Variants in KIF13A observed in about 807,000 individuals in gnomAD.
The protein encoded by KIF13A is kinesin family member 13A.
In KIF13A, 79 loss-of-function variants were observed where a neutral mutation model predicts 212.2. The observed-to-expected ratio is 0.37, with a 90% CI of 0.31 to 0.45. KIF13A has a LOEUF of 0.45. Among genes scored for constraint, KIF13A ranks in the 20% least tolerant of loss-of-function variants. The pLI, the probability that KIF13A is intolerant of heterozygous loss-of-function variation, is 1.00. For synonymous variants in KIF13A, 789 were observed against 808.6 expected (o/e 0.98, Z 0.41); for missense variants, 1,901 against 2,209.0 (o/e 0.86, Z 2.79).
rs1779402987 is a variant in KIF13A at position 17,967,198 on chromosome 6, CT to C, written c.146+19855del. 6.6e-6 allele frequency among the ~76,000 whole-genome samples: 1 copy of C among 152,134 alleles called. No homozygotes were observed. The highest frequency in any genetic ancestry group is 2.1e-4 in the South Asian group (1 of 4,830). On this transcript the variant is annotated intron_variant, in intron 2 of 38. Transcript: ENST00000259711. The surrounding 1 kb of genome is among the most constrained non-coding windows in gnomAD (Gnocchi z 4.1). ...TCTTGGACTAAACATTCAGCTGAAC[CT>C]AGTGCTGTAAATTTTTAGATAGTGC...
intron 3 of KIF13A, among the ~76,000 whole-genome samples, chr6:17,885,411 T>A (rs545186846): frequency 6.6e-6 from 1 of 152,356 alleles, no homozygotes; most frequent in South Asian, 2.1e-4. Context: ...CCTTTACATA[T>A]GCCTATAGAT....
intron 2 of KIF13A, among the ~76,000 whole-genome samples, chr6:17,923,535 GTT>G (rs777195596): frequency 2.1e-5 from 3 of 142,898 alleles, no homozygotes; most frequent in African/African-American, 5.1e-5. Context: ...CCTGGGTTTG[GTT>G]TTTTTTTTTT....
intron 2 of KIF13A, among the ~76,000 whole-genome samples, chr6:17,927,717 T>G (rs1171842195): frequency 6.6e-6 from 1 of 152,242 alleles, no homozygotes; most frequent in Non-Finnish European, 1.5e-5. Flanking sequence ...TACAATTAAT[T>G]TCCCACCTCC....
At chr6:17,836,821 A>G in intron 11 of KIF13A, 57 bp downstream of exon 11, 2 of 1,491,880 alleles carry the variant, frequency 1.3e-6, no homozygotes, top group South Asian at 1.1e-5. Flanking sequence ...CACCCTTGCC[A>G]GTCAAATCCC....
chr6:17,834,282 T>C lies in KIF13A; in HGVS notation c.1156-211A>G, dbSNP rs1052883822. Among the ~76,000 whole-genome samples, 1 of 152,228 alleles carries C rather than the reference T, an allele frequency of 6.6e-6. No homozygotes were observed. The highest frequency in any genetic ancestry group is 1.5e-5 in the Non-Finnish European group (1 of 68,026). On this transcript the variant is annotated intron_variant, in intron 11 of 38. Coordinates refer to ENST00000259711, the MANE Select transcript of KIF13A (RefSeq NM_022113.6). This position sits in a 1 kb window ranked among gnomAD's most constrained non-coding sequence, Gnocchi z 4.0. Reference sequence around the variant, plus strand: ...GAAAAAGAAATACCAGTGTCCTGAATGAAAATGAAACAAATCATTAGTCAT... The same window carrying C: ...GAAAAAGAAATACCAGTGTCCTGAACGAAAATGAAACAAATCATTAGTCAT...
chr6:17,977,010 G>A (rs952430468), intron 2 of KIF13A, among the ~76,000 whole-genome samples: 68 of 151,554 alleles, frequency 4.5e-4, no homozygotes, highest in Non-Finnish European at 1.9e-4. Flanking sequence ...GCTGAGGCAG[G>A]AGAATGGCGT....
chr6:17,959,970 C>T (rs1264704164), intron 2 of KIF13A, among the ~76,000 whole-genome samples: 1 of 151,166 alleles, frequency 6.6e-6, no homozygotes, highest in East Asian at 1.9e-4. Context: ...TGTGGTGAGC[C>T]GAGATCGCGC....
intron 2 of KIF13A, among the ~76,000 whole-genome samples, chr6:17,977,220 A>T (rs1359589087): frequency 6.6e-6 from 1 of 151,874 alleles, no homozygotes; most frequent in Admixed American, 6.6e-5. Flanking sequence ...TCTGATGCAC[A>T]TTCAAGTTTG....
At chr6:17,920,656 C>T (rs1425635397) in intron 2 of KIF13A, among the ~76,000 whole-genome samples, 1 of 151,914 alleles carries the variant, frequency 6.6e-6, no homozygotes, top group South Asian at 2.1e-4. Context: ...GGTGGATTAC[C>T]TGAGGTCCGG....
Position 17,799,370 on chromosome 6 carries a change from A to G in KIF13A, c.2686T>C (p.Trp896Arg), listed in dbSNP as rs1309539426. The G allele has an allele frequency of 6.2e-7, 1 of 1,611,730 alleles. No individual in the cohort carries two copies. The highest frequency in any genetic ancestry group is 8.5e-7 in the Non-Finnish European group (1 of 1,178,826). ...GCCACCGTAGACTCACACTGGTCCC[A>G]GAATGTGTATTGACAGAAGACAAAA... is the stretch of plus-strand genomic sequence containing the variant. ...SNFVFCQYTF[W>R]DQCESTVAAP... The change falls in exon 22 of 39, where the codon TGG becomes CGG. Residue 896 changes from tryptophan to arginine, a missense_variant. This residue lies in a region of KIF13A where 534 missense variants were observed against 536.9 expected (regional missense o/e 0.99). Coordinates refer to ENST00000259711, the MANE Select transcript of KIF13A (RefSeq NM_022113.6). The surrounding 1 kb of genome is among the most constrained non-coding windows in gnomAD (Gnocchi z 4.4).
In KIF13A at chr6:17,828,449, A is replaced by G. The variant is rs1765159660; in HGVS notation, c.1402-79T>C. Reference sequence around the variant, plus strand: ...AAAATGTATCACAATCAATTTGAATAACGCAGCAGCATATGCACAAAAATA... The same window carrying G: ...AAAATGTATCACAATCAATTTGAATGACGCAGCAGCATATGCACAAAAATA... On this transcript the variant is annotated intron_variant, in intron 13 of 38. Transcript: ENST00000259711. This position sits in a 1 kb window ranked among gnomAD's most constrained non-coding sequence, Gnocchi z 4.3. 11 of 1,248,182 alleles carry G rather than the reference A, an allele frequency of 8.8e-6. No individual in the cohort carries two copies. In the South Asian group the frequency reaches 1.0e-4, roughly 11 times the overall value. 77.3% of individuals were successfully genotyped at this position (1,248,182 alleles called of 1,614,324 possible).
Position 17,855,802 on chromosome 6 carries a change from C to T in KIF13A, c.314-185G>A, listed in dbSNP as rs2150406458. Among the ~76,000 whole-genome samples, 1 of 152,332 alleles carries T rather than the reference C, an allele frequency of 6.6e-6. No homozygotes were observed. The highest frequency in any genetic ancestry group is 1.9e-4 in the East Asian group (1 of 5,188). ...GATCATGGCTCACTACAGTCTCAAA[C>T]TCCTGGGCTCAAGCCATCCTCCCAC... On this transcript the variant is annotated intron_variant, in intron 5 of 38. Coordinates refer to ENST00000259711, the MANE Select transcript of KIF13A (RefSeq NM_022113.6). This position sits in a 1 kb window ranked among gnomAD's most constrained non-coding sequence, Gnocchi z 4.1.
intron 3 of KIF13A, among the ~76,000 whole-genome samples, chr6:17,887,995 T>C (rs1396195088): frequency 6.6e-6 from 1 of 151,788 alleles, no homozygotes; most frequent in African/African-American, 2.4e-5. Flanking sequence ...TGTGAGCCAC[T>C]GGGCCCAGCC....
chr6:17,955,149 G>C (rs1319176353), intron 2 of KIF13A, among the ~76,000 whole-genome samples: 1 of 152,158 alleles, frequency 6.6e-6, no homozygotes, highest in African/African-American at 2.4e-5. Flanking sequence ...TACTATACAT[G>C]TCTTTACATT....
At chr6:17,921,572 T>C (rs1324034716) in intron 2 of KIF13A, among the ~76,000 whole-genome samples, 4 of 152,210 alleles carry the variant, frequency 2.6e-5, no homozygotes, top group Admixed American at 6.5e-5. Context: ...ATCATTTCCA[T>C]TGGGGTATTT....
chr6:17,927,567 TGAA>T (rs1210593030), intron 2 of KIF13A, among the ~76,000 whole-genome samples: 1 of 152,188 alleles, frequency 6.6e-6, no homozygotes, highest in Non-Finnish European at 1.5e-5. Context: ...TTTGGGATGA[TGAA>T]GAAGTTCTGA....
chr6:17,928,163 G>A (rs1775663473), intron 2 of KIF13A, among the ~76,000 whole-genome samples: 1 of 152,132 alleles, frequency 6.6e-6, no homozygotes, highest in Non-Finnish European at 1.5e-5. Context: ...TAGTCACCTG[G>A]GCCAACTCAT....
intron 4 of KIF13A, among the ~76,000 whole-genome samples, chr6:17,869,202 T>C (rs1769773973): frequency 1.3e-5 from 2 of 151,964 alleles, no homozygotes; most frequent in South Asian, 2.1e-4. Flanking sequence ...CCAGGCTGTA[T>C]CTCCTCCTTT....
At position 17,805,446 on chromosome 6, in the gene KIF13A, A is replaced by C. The variant is rs763776290; in HGVS notation, c.2304+29T>G. The C allele has an allele frequency of 1.9e-6, 3 of 1,605,252 alleles. No individual in the cohort carries two copies. In the Admixed American group the frequency reaches 5.0e-5, roughly 27 times the overall value. ...TATATTCTCTGTTTTTAACATAACA[A>C]AATCTCCATTACATTTTGTCTCTTT... On this transcript the variant is annotated intron_variant, in intron 19 of 38. Coordinates refer to ENST00000259711, the MANE Select transcript of KIF13A (RefSeq NM_022113.6).
Sources: allele counts gnomAD v4.1 joint callset (sites outside exome capture counted in the v4.1 genomes callset), GRCh38; gene constraint gnomAD v4.1.1; regional missense constraint gnomAD v4.1.1; non-coding constraint Gnocchi (gnomAD v3.1); transcripts MANE v1.5; gene names NCBI Gene and HGNC (gene_info 2026-07-23, HGNC 2026-07-21).